The following KIAA2012 variants were observed in gnomAD, a reference collection of about 807,000 sequenced individuals.
The protein encoded by KIAA2012 is KIAA2012.
A neutral mutation model predicts 150.6 loss-of-function variants in KIAA2012; 125 were observed. The ratio of observed to expected loss-of-function variants is 0.83; its 90% CI spans 0.72 to 0.96. The LOEUF (loss-of-function observed/expected upper bound fraction) is 0.96, where lower values mean the gene tolerates loss of function less well. Ranked by LOEUF, KIAA2012 falls within the 40% of genes least tolerant of loss-of-function variation. The pLI is 0.00. For missense variants in KIAA2012, 1,219 were observed against 1,354.9 expected (o/e 0.90, Z 1.57); for synonymous variants, 462 against 504.7 (o/e 0.92, Z 1.13).
At chr2:202,109,907 T>A (rs750278746) in intron 10 of KIAA2012, 118 bp downstream of exon 10, 61 of 854,538 alleles carry the variant, frequency 7.1e-5, no homozygotes, top group Non-Finnish European at 7.6e-5. Flanking sequence ...AAAGGGGTAA[T>A]TGACACTGTT....
intron 11 of KIAA2012, chr2:202,116,770 A>G (rs1464084577): frequency 1.3e-5 from 2 of 152,138 alleles, no homozygotes; most frequent in Non-Finnish European, 2.9e-5. Context: ...GTGGGATATG[A>G]TGGCTCACTT....
chr2:202,107,292 G>A (rs1461987694), intron 9 of KIAA2012, among the ~76,000 whole-genome samples: 2 of 152,016 alleles, frequency 1.3e-5, no homozygotes, highest in Admixed American at 6.6e-5. Context: ...AGGTCAGGAC[G>A]TTCTCGAAAC....
intron 15 of KIAA2012, among the ~76,000 whole-genome samples, chr2:202,165,840 T>G (rs1210942236): frequency 1.3e-5 from 2 of 152,244 alleles, no homozygotes; most frequent in Non-Finnish European, 2.9e-5. Flanking sequence ...GTAATTAATT[T>G]TTATACTAAT....
chr2:202,188,294 C>T (rs989643097), intron 18 of KIAA2012, 28 bp downstream of exon 18: 28 of 1,523,596 alleles, frequency 1.8e-5, no homozygotes, highest in African/African-American at 4.2e-5. Flanking sequence ...CAAGTAACAA[C>T]CTGGAGAAGA....
chr2:202,127,407 C>T (rs1690820429), intron 12 of KIAA2012, among the ~76,000 whole-genome samples: 1 of 152,140 alleles, frequency 6.6e-6, no homozygotes, highest in Non-Finnish European at 1.5e-5. Context: ...GAAACAGCTG[C>T]TCTGAGGGAC....
intron 8 of KIAA2012, among the ~76,000 whole-genome samples, chr2:202,103,389 A>G (rs1237216252): frequency 6.6e-6 from 1 of 152,230 alleles, no homozygotes; most frequent in Admixed American, 6.5e-5. Context: ...AGTAAGTCCA[A>G]TGCACCATAG....
chr2:202,188,648 C>G (rs1692274336), intron 18 of KIAA2012, among the ~76,000 whole-genome samples: 1 of 152,144 alleles, frequency 6.6e-6, no homozygotes, highest in Non-Finnish European at 1.5e-5. Context: ...GGGTGACTTA[C>G]ATAATATCAA....
intron 20 of KIAA2012, 63 bp from the exon 21 acceptor site, chr2:202,194,127 C>T (rs1429789475): frequency 6.5e-6 from 10 of 1,527,402 alleles, no homozygotes; most frequent in Non-Finnish European, 8.8e-6. Flanking sequence ...TGTCTGTTGG[C>T]TCATCTCACA....
intron 10 of KIAA2012, 112 bp from the exon 11 acceptor site, chr2:202,113,224 A>G (rs1690422231): frequency 2.8e-6 from 2 of 710,698 alleles, no homozygotes. Context: ...CCAAGCACAT[A>G]GGCATCTACG....
intron 15 of KIAA2012, among the ~76,000 whole-genome samples, chr2:202,181,891 A>C (rs1692127785): frequency 6.6e-6 from 1 of 152,032 alleles, no homozygotes; most frequent in African/African-American, 2.4e-5. Flanking sequence ...ACATACAATA[A>C]ATTAGACCTT....
chr2:202,125,296 C>T lies in KIAA2012; in HGVS notation c.1831+14C>T. The T allele has an allele frequency of 1.3e-6, 2 of 1,542,972 alleles. No homozygotes were observed. The highest frequency in any genetic ancestry group is 1.8e-6 in the Non-Finnish European group (2 of 1,140,684). ...ATTTCCTAAAAGGTAAGCTTTTCCA[C>T]TAAAAAGTCACCTCGACTTCTCTAT... is the stretch of plus-strand genomic sequence containing the variant. On this transcript the variant is annotated intron_variant, in intron 12 of 23. Transcript: ENST00000498697.
chr2:202,154,847 C>T (rs1482277193), intron 14 of KIAA2012, 37 bp downstream of exon 14: 1 of 1,523,490 alleles, frequency 6.6e-7, no homozygotes, highest in Non-Finnish European at 8.8e-7. Flanking sequence ...GTTTTATAGA[C>T]ACAAACACAG....
chr2:202,109,822 A>G, intron 10 of KIAA2012, 33 bp downstream of exon 10: 1 of 1,490,874 alleles, frequency 6.7e-7, no homozygotes, highest in Non-Finnish European at 9.0e-7. Context: ...GACGCCCCCC[A>G]CTGGCTTGAA....
At chr2:202,188,748 A>G (rs1231508030) in intron 18 of KIAA2012, among the ~76,000 whole-genome samples, 1 of 152,198 alleles carries the variant, frequency 6.6e-6, no homozygotes, top group Non-Finnish European at 1.5e-5. Flanking sequence ...CCATAAAATA[A>G]TAACTATATC....
At chr2:202,198,061 C>A (rs1692445111) in intron 22 of KIAA2012, among the ~76,000 whole-genome samples, 1 of 150,230 alleles carries the variant, frequency 6.7e-6, no homozygotes, top group African/African-American at 2.5e-5. Flanking sequence ...GTCATTCCAG[C>A]TACTCGGGAG....
At chr2:202,084,460 C>T (rs192815939) in intron 2 of KIAA2012, among the ~76,000 whole-genome samples, 4 of 152,170 alleles carry the variant, frequency 2.6e-5, no homozygotes, top group African/African-American at 7.2e-5. Flanking sequence ...GCAAGTCCCT[C>T]GTTAAAGGAA....
intron 11 of KIAA2012, among the ~76,000 whole-genome samples, chr2:202,121,678 G>A (rs774991117): frequency 9.9e-5 from 15 of 152,186 alleles, no homozygotes; most frequent in Non-Finnish European, 2.9e-5. Flanking sequence ...ACGTGGTAAG[G>A]GCAGAGCTGG....
At chr2:202,125,914 T>A (rs1301277758) in intron 12 of KIAA2012, 1 of 401,934 alleles carries the variant, frequency 2.5e-6, no homozygotes, top group Non-Finnish European at 4.8e-6. Flanking sequence ...AACAGAGAAA[T>A]GTGAGTGGTG....
chr2:202,201,940 C>G (rs906253437), intron 22 of KIAA2012: 1 of 767,936 alleles, frequency 1.3e-6, no homozygotes, highest in Non-Finnish European at 2.3e-6. Context: ...CTTTTCCGTC[C>G]TCTTCCTGTT....
Sources: allele counts gnomAD v4.1 joint callset (sites outside exome capture counted in the v4.1 genomes callset), GRCh38; gene constraint gnomAD v4.1.1; transcripts MANE v1.5; gene names NCBI Gene and HGNC (gene_info 2026-07-23, HGNC 2026-07-21).